The following LDB2 variants were observed in gnomAD, a reference collection of about 807,000 sequenced individuals.
LDB2 encodes LIM domain-binding protein 2.
LDB2 carries 12 observed loss-of-function variants against 44.3 expected under a neutral mutation model. That is an observed-to-expected ratio of 0.27 (90% confidence interval 0.17 to 0.44). The LOEUF (loss-of-function observed/expected upper bound fraction) is 0.44, where lower values mean the gene tolerates loss of function less well. Ranked by LOEUF, LDB2 falls within the 20% of genes least tolerant of loss-of-function variation. The probability of loss-of-function intolerance (pLI) is 1.00; values close to 1 mark genes in which losing one functional copy is unlikely to be tolerated. For missense variants in LDB2, 344 were observed against 473.5 expected (o/e 0.73, Z 2.54); for synonymous variants, 164 against 174.8 (o/e 0.94, Z 0.49).
chr4:16,591,763 A>T (rs946097779), intron 3 of LDB2, among the ~76,000 whole-genome samples: 6 of 151,818 alleles, frequency 4.0e-5, no homozygotes, highest in African/African-American at 1.4e-4. Flanking sequence ...CAGAAATGGT[A>T]AAAAAACAGG....
chr4:16,858,537 A>C (rs1580278264), intron 1 of LDB2, among the ~76,000 whole-genome samples: 2 of 152,274 alleles, frequency 1.3e-5, no homozygotes, highest in East Asian at 3.9e-4. Context: ...GGTGTTTGCT[A>C]AGTCCATTTT....
At chr4:16,690,850 C>G (rs1335496169) in intron 2 of LDB2, among the ~76,000 whole-genome samples, 1 of 152,072 alleles carries the variant, frequency 6.6e-6, no homozygotes, top group Non-Finnish European at 1.5e-5. Flanking sequence ...TGACTGAATT[C>G]TAGAAGTATT....
intron 5 of LDB2, among the ~76,000 whole-genome samples, chr4:16,585,567 G>C (rs926098758): frequency 3.9e-5 from 6 of 152,146 alleles, no homozygotes; most frequent in Non-Finnish European, 8.8e-5. Flanking sequence ...ACCAGTGCCT[G>C]GGTGGAGGCA....
At chr4:16,840,390 C>G (rs911220643) in intron 1 of LDB2, among the ~76,000 whole-genome samples, 1 of 152,170 alleles carries the variant, frequency 6.6e-6, no homozygotes, top group African/African-American at 2.4e-5. Context: ...AACCTAATCA[C>G]AAATACACAT....
chr4:16,510,507 T>C (rs1450895948), intron 6 of LDB2, among the ~76,000 whole-genome samples: 3 of 152,192 alleles, frequency 2.0e-5, no homozygotes, highest in Non-Finnish European at 4.4e-5. Flanking sequence ...AGTATAAATT[T>C]GGTGCTCTTT....
chr4:16,679,309 GAGGA>G (rs796529320), intron 2 of LDB2, among the ~76,000 whole-genome samples: 19 of 152,020 alleles, frequency 1.2e-4, no homozygotes, highest in African/African-American at 2.9e-4. Context: ...GGAGGAGAGG[GAGGA>G]AGGAAGGAAG....
At chr4:16,811,078 C>G (rs553381903) in intron 1 of LDB2, among the ~76,000 whole-genome samples, 102 of 152,324 alleles carry the variant, frequency 6.7e-4, no homozygotes, top group African/African-American at 2.5e-3. Flanking sequence ...AGCGTTTGCA[C>G]TCCTTTGACA....
chr4:16,865,485 G>C (rs965912567), intron 1 of LDB2, among the ~76,000 whole-genome samples: 1 of 152,180 alleles, frequency 6.6e-6, no homozygotes, highest in Non-Finnish European at 1.5e-5. Flanking sequence ...CCCTGCTGGA[G>C]ATGGCACTAA....
At chr4:16,675,495 T>TACA (rs1337688682) in intron 2 of LDB2, among the ~76,000 whole-genome samples, 1 of 151,320 alleles carries the variant, frequency 6.6e-6, no homozygotes, top group Non-Finnish European at 1.5e-5. Flanking sequence ...ACAGAAAGAA[T>TACA]ACACAGCCCC....
chr4:16,640,976 C>T (rs1460302182), intron 2 of LDB2, among the ~76,000 whole-genome samples: 1 of 152,092 alleles, frequency 6.6e-6, no homozygotes, highest in African/African-American at 2.4e-5. Flanking sequence ...TCCTTGTCCC[C>T]ATGATGATTA....
At chr4:16,774,431 T>C (rs552230500) in intron 1 of LDB2, among the ~76,000 whole-genome samples, 1 of 152,310 alleles carries the variant, frequency 6.6e-6, no homozygotes, top group African/African-American at 2.4e-5. Context: ...CCAGTTCTTA[T>C]CCTTTTATGT....
rs138558069 is a variant in LDB2, at chr4:16,824,191, G to C, written c.133-64931C>G. Among the ~76,000 whole-genome samples, 422 of 152,300 alleles carry C rather than the reference G, an allele frequency of 2.8e-3. 3 individuals are homozygous for C. Among genetic ancestry groups the C allele is most frequent in the Non-Finnish European group, 4.2e-3 (285 of 68,034 alleles). ...TTAGACACAAATGAAAAATTAATAA[G>C]AGTTATTAGGGGAGAGATTGTGTGT... On this transcript the variant is annotated intron_variant, in intron 1 of 7. Transcript: ENST00000304523.
At chr4:16,893,945 A>C (rs1247431109) in intron 1 of LDB2, among the ~76,000 whole-genome samples, 1 of 152,156 alleles carries the variant, frequency 6.6e-6, no homozygotes, top group Non-Finnish European at 1.5e-5. Flanking sequence ...TACTTGATAA[A>C]CTTTCTTAAA....
chr4:16,822,477 A>G (rs535371879), intron 1 of LDB2, among the ~76,000 whole-genome samples: 1 of 152,202 alleles, frequency 6.6e-6, no homozygotes, highest in African/African-American at 2.4e-5. Context: ...TACTCTCTAC[A>G]TAATCTTAGT....
chr4:16,795,676 T>C (rs1404630394), intron 1 of LDB2, among the ~76,000 whole-genome samples: 1 of 152,198 alleles, frequency 6.6e-6, no homozygotes. Context: ...AAATCACTTA[T>C]GACACTGATC....
At chr4:16,887,505 C>T (rs944753196) in intron 1 of LDB2, among the ~76,000 whole-genome samples, 1 of 151,996 alleles carries the variant, frequency 6.6e-6, no homozygotes, top group Non-Finnish European at 1.5e-5. Flanking sequence ...ACATGGTAAT[C>T]ATGTTAAACT....
rs1319723560 is a variant in LDB2 at position 16,898,404 on chromosome 4, G to A, written c.82C>T (p.Pro28Ser). Residue 28 changes from proline to serine, a missense_variant, in exon 1 of 8, where the codon CCA becomes TCA. By Grantham distance (74) the Pro-to-Ser change is moderately conservative. Around this residue, in one of 3 missense-constraint regions of LDB2, gnomAD observed 226 missense variants for 270.1 expected, o/e 0.84. Coordinates refer to ENST00000304523, the MANE Select transcript of LDB2 (RefSeq NM_001290.5). ...YRRHTPYMVQ[P>S]EYRIYEMNKR... The stretch of plus-strand genomic sequence containing the variant: ...TTCATCTCATAGATTCGGTACTCTG[G>A]CTGTACCATGTATGGTGTATGCCTC... The A allele has an allele frequency of 6.2e-7, 1 of 1,613,488 alleles. No homozygotes were observed. Among genetic ancestry groups the A allele is most frequent in the East Asian group, 2.2e-5 (1 of 44,800 alleles).
At chr4:16,883,886 T>G (rs1437312264) in intron 1 of LDB2, among the ~76,000 whole-genome samples, 1 of 152,078 alleles carries the variant, frequency 6.6e-6, no homozygotes, top group Non-Finnish European at 1.5e-5. Context: ...TCACCTTGGC[T>G]TACGGGAACT....
chr4:16,751,379 T>C (rs190674143), intron 2 of LDB2, among the ~76,000 whole-genome samples: 1 of 152,304 alleles, frequency 6.6e-6, no homozygotes, highest in East Asian at 1.9e-4. Context: ...TTCTGTCCAT[T>C]ATCTCATGCG....
Sources: allele counts gnomAD v4.1 joint callset (sites outside exome capture counted in the v4.1 genomes callset), GRCh38; gene constraint gnomAD v4.1.1; regional missense constraint gnomAD v4.1.1; transcripts MANE v1.5; gene names NCBI Gene and HGNC (gene_info 2026-07-23, HGNC 2026-07-21).